Variants in TCF12 observed in about 807,000 individuals in gnomAD.
TCF12 encodes transcription factor 12, also known as DNA-binding protein HTF4.
TCF12 carries 45 observed loss-of-function variants against 86.0 expected under a neutral mutation model. The ratio of observed to expected loss-of-function variants is 0.52; its 90% CI spans 0.41 to 0.67. TCF12 has a LOEUF of 0.67. Ranked by LOEUF, TCF12 falls within the 30% of genes least tolerant of loss-of-function variation. The pLI, the probability that TCF12 is intolerant of heterozygous loss-of-function variation, is 0.00. For missense variants in TCF12, 881 were observed against 859.9 expected (o/e 1.02, Z -0.31); for synonymous variants, 330 against 299.6 (o/e 1.10, Z -1.05).
intron 3 of TCF12, among the ~76,000 whole-genome samples, chr15:56,998,983 G>C (rs1174549814): frequency 6.6e-6 from 1 of 152,130 alleles, no homozygotes; most frequent in East Asian, 1.9e-4. Flanking sequence ...CGGATCATGA[G>C]GTCAGGAGAT....
rs1465390209 is a variant in TCF12 at position 57,091,814 on chromosome 15, G to A, written c.248G>A (p.Ser83Asn). 1 of 1,613,734 alleles carries A rather than the reference G, an allele frequency of 6.2e-7. No homozygotes were observed. Among genetic ancestry groups the A allele is most frequent in the Non-Finnish European group, 8.5e-7 (1 of 1,179,764 alleles). Residue 83 changes from serine (S) to asparagine (N), a missense_variant, in exon 5 of 21, where the codon AGT becomes AAT. Around this residue, in one of 3 missense-constraint regions of TCF12, gnomAD observed 766 missense variants for 718.9 expected, o/e 1.07. Transcript: ENST00000333725. ...SRGFTDSPHYSDHLNDSRLGA... is the reference protein window; with the variant it reads ...SRGFTDSPHYNDHLNDSRLGA... ...GGTTTTACAGACAGCCCTCATTACA[G>A]TGATCACTTGAATGACAGTCGATTA...
At chr15:56,980,715 G>T (rs181894336) in intron 3 of TCF12, among the ~76,000 whole-genome samples, 33 of 152,238 alleles carry the variant, frequency 2.2e-4, no homozygotes, top group African/African-American at 7.9e-4. Flanking sequence ...TGTCATCTGT[G>T]CACACAGCCT....
chr15:57,077,026 A>G (rs1327157458), intron 4 of TCF12, among the ~76,000 whole-genome samples: 5 of 152,168 alleles, frequency 3.3e-5, no homozygotes, highest in South Asian at 4.1e-4. Flanking sequence ...CTTCACACCA[A>G]TACCATAACT....
intron 5 of TCF12, among the ~76,000 whole-genome samples, chr15:57,103,702 G>T (rs1204400457): frequency 6.6e-6 from 1 of 152,118 alleles, no homozygotes; most frequent in African/African-American, 2.4e-5. Context: ...CCCAATATGG[G>T]ACTAATTAAG....
intron 4 of TCF12, among the ~76,000 whole-genome samples, chr15:57,081,337 T>C (rs2070634233): frequency 6.6e-6 from 1 of 152,152 alleles, no homozygotes; most frequent in African/African-American, 2.4e-5. Flanking sequence ...ACAGCCTGGA[T>C]TCAAATCCCC....
At chr15:57,130,165 T>C (rs2051996440) in intron 5 of TCF12, among the ~76,000 whole-genome samples, 1 of 152,228 alleles carries the variant, frequency 6.6e-6, no homozygotes, top group African/African-American at 2.4e-5. Flanking sequence ...GGATAAAATG[T>C]CTGTAACAGA....
At chr15:56,961,151 T>A (rs2140565387) in intron 3 of TCF12, among the ~76,000 whole-genome samples, 1 of 151,050 alleles carries the variant, frequency 6.6e-6, no homozygotes, top group South Asian at 2.1e-4. Context: ...AAAAATCAGT[T>A]CATTAAATAA....
chr15:56,928,431 TGGGC>T (rs2060109131), intron 3 of TCF12, among the ~76,000 whole-genome samples: 1 of 152,178 alleles, frequency 6.6e-6, no homozygotes, highest in South Asian at 2.1e-4. Flanking sequence ...AAGCAATTTA[TGGGC>T]ATTATCTCAT....
intron 3 of TCF12, among the ~76,000 whole-genome samples, chr15:57,022,894 C>G (rs974818000): frequency 1.3e-5 from 2 of 152,128 alleles, no homozygotes; most frequent in Non-Finnish European, 2.9e-5. Flanking sequence ...AGGAAATAGT[C>G]ATACCCTAAT....
intron 5 of TCF12, among the ~76,000 whole-genome samples, chr15:57,123,966 C>G (rs1233997174): frequency 5.7e-5 from 2 of 35,268 alleles, no homozygotes; most frequent in African/African-American, 1.6e-4. Context: ...GAGACTCCGT[C>G]TCAAAAAAAA....
intron 4 of TCF12, among the ~76,000 whole-genome samples, chr15:57,085,457 A>ATGCCC (rs1468792974): frequency 6.6e-6 from 1 of 152,206 alleles, no homozygotes; most frequent in Non-Finnish European, 1.5e-5. Context: ...CACCTACTAC[A>ATGCCC]TGCCCGTTAG....
At chr15:57,066,682 T>C (rs954378219) in intron 4 of TCF12, among the ~76,000 whole-genome samples, 5 of 152,174 alleles carry the variant, frequency 3.3e-5, no homozygotes, top group Non-Finnish European at 1.5e-5. Context: ...GCTTTAAACT[T>C]AACATGAATT....
chr15:57,287,827 T>A lies in TCF12; in HGVS notation c.*1682T>A, dbSNP rs2061981841. ...TTTTGGTTACTTTAATTTGCATATA[T>A]TCTCCAGTTACATCGGACTCTATCT... On this transcript the variant is annotated 3_prime_UTR_variant, in exon 21 of 21. Transcript: ENST00000333725. The A allele has an allele frequency of 6.5e-6, 1 of 152,700 alleles. No individual in the cohort carries two copies. The highest frequency in any genetic ancestry group is 1.5e-5 in the Non-Finnish European group (1 of 68,044). 9.5% of individuals were successfully genotyped at this position (152,700 alleles called of 1,614,324 possible).
At position 57,166,392 on chromosome 15, in the gene TCF12, T is replaced by C. The variant is rs905408189; in HGVS notation, c.326-10T>C. The C allele has an allele frequency of 4.3e-6, 7 of 1,609,630 alleles. No homozygotes were observed. Among genetic ancestry groups the C allele is most frequent in the Admixed American group, 1.7e-5 (1 of 59,526 alleles). On this transcript the variant is annotated splice_polypyrimidine_tract_variant and intron_variant, in intron 5 of 20. Transcript: ENST00000333725. ...GGGTTTTATATAAAGTTAATTTCTT[T>C]GTTTTATAGGAAAAACATCAGAGAG...
intron 3 of TCF12, among the ~76,000 whole-genome samples, chr15:57,048,000 G>A (rs62719460): frequency 3.0e-5 from 1 of 33,198 alleles, no homozygotes; most frequent in South Asian, 8.3e-4. Flanking sequence ...ACATAGAAAA[G>A]GTACAATAAA....
chr15:57,165,134 C>CTCTG (rs1555524381), intron 5 of TCF12, among the ~76,000 whole-genome samples: 3 of 147,128 alleles, frequency 2.0e-5, no homozygotes, highest in African/African-American at 5.1e-5. Flanking sequence ...GAATGTATGT[C>CTCTG]TGTGTGTGTG....
intron 5 of TCF12, among the ~76,000 whole-genome samples, chr15:57,108,647 G>C (rs1215503186): frequency 3.3e-5 from 5 of 151,938 alleles, no homozygotes; most frequent in Non-Finnish European, 5.9e-5. Context: ...ATCTGGCTTG[G>C]AGGCTCTTGG....
intron 5 of TCF12, among the ~76,000 whole-genome samples, chr15:57,103,808 C>T (rs752811085): frequency 3.4e-4 from 52 of 152,046 alleles, no homozygotes; most frequent in Non-Finnish European, 6.2e-4. Context: ...AGTTCGAGAC[C>T]AGCCTGGCTA....
chr15:56,957,312 A>G (rs2061542812), intron 3 of TCF12, among the ~76,000 whole-genome samples: 2 of 152,200 alleles, frequency 1.3e-5, no homozygotes, highest in Admixed American at 6.5e-5. Context: ...TATTTTTTAG[A>G]TAATTTACTG....
Sources: gnomAD v4.1 joint callset for allele counts (sites outside exome capture counted in the v4.1 genomes callset) on GRCh38, gnomAD v4.1.1 for gene constraint, gnomAD v4.1.1 regional missense constraint, MANE v1.5 for transcripts, NCBI Gene and HGNC (gene_info 2026-07-23, HGNC 2026-07-21) for gene names.